Variants in CBR3 observed in about 807,000 individuals in gnomAD.
The protein encoded by CBR3 is carbonyl reductase 3.
CBR3 carries 14 observed loss-of-function variants against 11.6 expected under a neutral mutation model. That is an observed-to-expected ratio of 1.20 (90% CI 0.79 to 1.88). CBR3 has a LOEUF of 1.88. Ranked by LOEUF, CBR3 falls within the 40% of genes most tolerant of loss-of-function variation. CBR3 has a pLI of 0.00. For missense variants in CBR3, 308 were observed against 357.3 expected, an observed-to-expected ratio of 0.86 and a Z score of 1.11; for synonymous variants, 125 against 145.6, an observed-to-expected ratio of 0.86 and a Z score of 1.02.
At chr21:36,144,548 T>A (rs2065739785) in intron 2 of CBR3, among the ~76,000 whole-genome samples, 1 of 117,184 alleles carries the variant, frequency 8.5e-6, no homozygotes, top group Non-Finnish European at 1.8e-5. Context: ...AATCACTTGA[T>A]CCTGGGAGGC....
At chr21:36,145,490 C>T (rs1003319940) in intron 2 of CBR3, among the ~76,000 whole-genome samples, 1 of 152,130 alleles carries the variant, frequency 6.6e-6, no homozygotes, top group South Asian at 2.1e-4. Flanking sequence ...CAGGCACACG[C>T]CACCACACCC....
intron 2 of CBR3, chr21:36,144,890 G>C (rs1245287041): frequency 6.6e-6 from 1 of 152,356 alleles, no homozygotes; most frequent in Non-Finnish European, 1.5e-5. Flanking sequence ...GATCACTTCA[G>C]GTCAGGAGTT....
At chr21:36,141,757 C>G (rs1019629693) in intron 2 of CBR3, 21 of 181,116 alleles carry the variant, frequency 1.2e-4, no homozygotes, top group Non-Finnish European at 2.0e-4. Flanking sequence ...GATGACGCAT[C>G]TGGCTGACGA....
At chr21:36,145,369 AC>A in intron 2 of CBR3, among the ~76,000 whole-genome samples, 1 of 152,066 alleles carries the variant, frequency 6.6e-6, no homozygotes, top group Non-Finnish European at 1.5e-5. Flanking sequence ...CATTCGTGTC[AC>A]CCAGGCTGGA....
intron 2 of CBR3, among the ~76,000 whole-genome samples, chr21:36,139,382 CTTTTTTTT>C (rs35931656): frequency 1.6e-5 from 2 of 126,684 alleles, no homozygotes; most frequent in Admixed American, 8.3e-5. Flanking sequence ...CTTGCTTTTT[CTTTTTTTT>C]TTTTTTTTTT....
In CBR3 at chr21:36,135,251, C is replaced by G; in HGVS notation, c.59C>G (p.Ala20Gly). 6.3e-7 allele frequency: 1 copy of G among 1,577,646 alleles called. No individual in the cohort carries two copies. The highest frequency in any genetic ancestry group is 2.3e-5 in the East Asian group (1 of 43,154). ...VTGANRGIGL[A>G]IARELCRQFS... The stretch of plus-strand genomic sequence containing the variant: ...GGGGCCAACAGGGGCATCGGCTTGG[C>G]CATCGCGCGCGAACTGTGCCGACAG... The change falls in exon 1 of 3, where the codon GCC becomes GGC. Residue 20 changes from alanine (A) to glycine (G), a missense_variant. Ala to Gly is a moderately conservative substitution (Grantham distance 60). Transcript: ENST00000290354.
chr21:36,146,260 TG>T lies in CBR3; in HGVS notation c.586del (p.Val196CysfsTer28), dbSNP rs2065754178. ...GGGAAGGCTGGCCCAACTCACCTTATGGGGTGTCCAAGTTGGGGGTCACGGT... is the reference window on the plus strand; with the variant it reads ...GGGAAGGCTGGCCCAACTCACCTTATGGGTGTCCAAGTTGGGGGTCACGGT... ...EREGWPNSPY[G>X]VSKLGVTVLS... On this transcript the variant is annotated frameshift_variant, in exon 3 of 3. Transcript: ENST00000290354. LOFTEE classifies it low-confidence loss of function (END_TRUNC). The T allele has an allele frequency of 1.2e-6, 2 of 1,614,026 alleles. No homozygotes were observed. The highest frequency in any genetic ancestry group is 2.2e-5 in the South Asian group (2 of 91,092).
chr21:36,143,038 C>G (rs1374123693), intron 2 of CBR3, among the ~76,000 whole-genome samples: 1 of 152,134 alleles, frequency 6.6e-6, no homozygotes, highest in Non-Finnish European at 1.5e-5. Context: ...GGTGCGGTGG[C>G]TCATGCGTGC....
At chr21:36,137,783 GA>G (rs2065673007) in intron 1 of CBR3, 41 bp from the exon 2 acceptor site, 1 of 1,174,638 alleles carries the variant, frequency 8.5e-7, no homozygotes, top group Admixed American at 1.7e-5. Flanking sequence ...GTTTCAGGGG[GA>G]AAAATATGAC....
At chr21:36,142,034 C>A in intron 2 of CBR3, 3 of 390,776 alleles carry the variant, frequency 7.7e-6, no homozygotes, top group Non-Finnish European at 1.0e-5. Flanking sequence ...GAGAACAGAC[C>A]AATTCACTTT....
At chr21:36,141,833 C>G (rs983959305) in intron 2 of CBR3, 1 of 680,066 alleles carries the variant, frequency 1.5e-6, no homozygotes, top group Non-Finnish European at 1.8e-6. Context: ...GACACCTCCT[C>G]CCCTTAAGAG....
At chr21:36,136,402 G>T (rs1038022872) in intron 1 of CBR3, among the ~76,000 whole-genome samples, 1 of 152,078 alleles carries the variant, frequency 6.6e-6, no homozygotes, top group Non-Finnish European at 1.5e-5. Flanking sequence ...TGAAATGAAG[G>T]ATGGGGGAGC....
rs995850240 is a variant in CBR3 at position 36,137,941 on chromosome 21, A to T, written c.397+9A>T. 2.9e-5 allele frequency: 43 copies of T among 1,481,458 alleles called. No individual in the cohort carries two copies. The highest frequency in any genetic ancestry group is 4.0e-5 in the Non-Finnish European group (42 of 1,059,920). The allele number at this position is 1,481,458 out of a possible 1,614,324, so 91.8% of individuals were successfully genotyped here. ...GATAATGAAACCTCATGGTAAGCCC[A>T]ACGTGTGGACAGTCGGGTTGCATCC... is the stretch of plus-strand genomic sequence containing the variant. On this transcript the variant is annotated intron_variant, in intron 2 of 2. Transcript: ENST00000290354.
At chr21:36,138,029 G>A (rs1157398406) in intron 2 of CBR3, 97 bp downstream of exon 2, 1 of 689,792 alleles carries the variant, frequency 1.4e-6, no homozygotes, top group Non-Finnish European at 2.6e-6. Context: ...TCACTCAGGG[G>A]TGCTATTTCT....
At position 36,137,817 on chromosome 21, in the gene CBR3, T is replaced by C; in HGVS notation, c.290-8T>C. On this transcript the variant is annotated splice_polypyrimidine_tract_variant and splice_region_variant and intron_variant, in intron 1 of 2. Coordinates refer to ENST00000290354, the MANE Select transcript of CBR3 (RefSeq NM_001236.4). Reference sequence around the variant, plus strand: ...GACTTTCTTTTTGTTTCTTTCTCTTTTTGAAAGGTGATGATCCAATGCCCT... The same window carrying C: ...GACTTTCTTTTTGTTTCTTTCTCTTCTTGAAAGGTGATGATCCAATGCCCT... The C allele has an allele frequency of 6.5e-7, 1 of 1,539,086 alleles. No individual in the cohort carries two copies. Among genetic ancestry groups the C allele is most frequent in the Non-Finnish European group, 9.0e-7 (1 of 1,112,998 alleles).
rs190426676 is a variant in CBR3 at position 36,140,729 on chromosome 21, C to T, written c.397+2797C>T. On this transcript the variant is annotated intron_variant, in intron 2 of 2. Transcript: ENST00000290354. The stretch of plus-strand genomic sequence containing the variant: ...TTTTAGGTTAAGAAGTTTTTGTGGC[C>T]GGGCACAGTGGCTCACACCTGTAAT... Among the ~76,000 whole-genome samples, 728 of 152,078 alleles carry T rather than the reference C, an allele frequency of 4.8e-3. 5 individuals are homozygous for T. Among genetic ancestry groups the T allele is most frequent in the African/African-American group, 0.015 (619 of 41,490 alleles).
chr21:36,139,382 CTTTTTTTTTTT>C (rs35931656), intron 2 of CBR3, among the ~76,000 whole-genome samples: 1 of 126,684 alleles, frequency 7.9e-6, no homozygotes, highest in Non-Finnish European at 1.6e-5. Flanking sequence ...CTTGCTTTTT[CTTTTTTTTTTT>C]TTTTTTTTGA....
chr21:36,141,789 C>T, intron 2 of CBR3: 1 of 292,326 alleles, frequency 3.4e-6, no homozygotes, highest in Non-Finnish European at 5.1e-6. Flanking sequence ...AGCCTCTGGC[C>T]TCTCTCCCAG....
chr21:36,146,275 G>T lies in CBR3; in HGVS notation c.597G>T (p.Leu199Phe), dbSNP rs191411345. Residue 199 changes from leucine (L) to phenylalanine (F), a missense_variant, in exon 3 of 3, where the codon TTG becomes TTT. By Grantham distance (22) the Leu-to-Phe change is conservative. Coordinates refer to ENST00000290354, the MANE Select transcript of CBR3 (RefSeq NM_001236.4). ...ACTCACCTTATGGGGTGTCCAAGTT[G>T]GGGGTCACGGTCTTATCGAGGATCC... ...WPNSPYGVSK[L>F]GVTVLSRILA... 1 of 1,614,150 alleles carries T rather than the reference G, an allele frequency of 6.2e-7. No homozygotes were observed. Among genetic ancestry groups the T allele is most frequent in the East Asian group, 2.2e-5 (1 of 44,872 alleles).
Sources: gnomAD v4.1 joint callset for allele counts (sites outside exome capture counted in the v4.1 genomes callset) on GRCh38, gnomAD v4.1.1 for gene constraint, MANE v1.5 for transcripts, NCBI Gene and HGNC (gene_info 2026-07-23, HGNC 2026-07-21) for gene names.